The following LDLRAP1 variants were observed in gnomAD, a reference collection of about 807,000 sequenced individuals.
LDLRAP1 encodes the protein low density lipoprotein receptor adaptor protein 1, also known as low density lipoprotein receptor adapter protein 1.
LDLRAP1 carries 30 observed loss-of-function variants against 37.8 expected under a neutral mutation model. That is an observed-to-expected ratio of 0.79 (90% CI 0.59 to 1.08). The LOEUF is 1.08. Ranked by LOEUF, LDLRAP1 falls within the 50% of genes least tolerant of loss-of-function variation. The probability of loss-of-function intolerance (pLI) is 0.00; values close to 1 mark genes in which losing one functional copy is unlikely to be tolerated. For missense variants in LDLRAP1, 375 were observed against 401.6 expected, an observed-to-expected ratio of 0.93 and a Z score of 0.57; for synonymous variants, 156 against 169.8, an observed-to-expected ratio of 0.92 and a Z score of 0.63.
the LDLRAP1 span, among the ~76,000 whole-genome samples, chr1:25,578,148 T>C: frequency 2.3e-5 from 2 of 88,572 alleles, no homozygotes; most frequent in African/African-American, 6.3e-5. Context: ...GGGAGAGTTA[T>C]TTCCTCTCTC....
the LDLRAP1 span, among the ~76,000 whole-genome samples, chr1:25,582,473 T>C: frequency 6.6e-6 from 1 of 151,654 alleles, no homozygotes; most frequent in Non-Finnish European, 1.5e-5. Context: ...TAGTCCCAGC[T>C]ACTCAGGAGG....
chr1:25,565,358 C>T (rs111885714), intron 8 of LDLRAP1, 151 bp downstream of exon 8: 3 of 885,098 alleles, frequency 3.4e-6, no homozygotes, highest in Non-Finnish European at 5.6e-6. Flanking sequence ...TCAAATGCTT[C>T]CAGGGGCAGG....
downstream of LDLRAP1, among the ~76,000 whole-genome samples, chr1:25,570,581 C>T (rs113899767): frequency 4.5e-4 from 69 of 152,200 alleles, no homozygotes; most frequent in Middle Eastern, 3.4e-3. Flanking sequence ...GTAACCCGGC[C>T]GGGCGCAGTG....
In LDLRAP1 at chr1:25,553,533, G is replaced by C. The variant is rs143927706; in HGVS notation, c.89-389G>C. ...CTGCTTACATGGAGCCTTGGTATGT[G>C]CCGGAAAGCTTTAGCCCTTTATTAA... On this transcript the variant is annotated intron_variant, in intron 1 of 8. Coordinates refer to ENST00000374338, the MANE Select transcript of LDLRAP1 (RefSeq NM_015627.3). 2.5e-3 allele frequency: 673 copies of C among 269,538 alleles called. 10 individuals are homozygous for C. Among genetic ancestry groups the C allele is most frequent in the African/African-American group, 0.014 (633 of 45,518 alleles). 16.7% of individuals were successfully genotyped at this position (269,538 alleles called of 1,614,324 possible).
the LDLRAP1 span, among the ~76,000 whole-genome samples, chr1:25,574,517 G>C: frequency 6.6e-6 from 1 of 152,342 alleles, no homozygotes; most frequent in Non-Finnish European, 1.5e-5. Flanking sequence ...AAAAGGATGT[G>C]TGCATGGCCA....
the LDLRAP1 span, among the ~76,000 whole-genome samples, chr1:25,584,198 C>T: frequency 6.6e-6 from 1 of 152,062 alleles, no homozygotes; most frequent in African/African-American, 2.4e-5. Flanking sequence ...CCACAGTCAC[C>T]TGATGTGGTT....
intron 1 of LDLRAP1, among the ~76,000 whole-genome samples, chr1:25,546,297 T>C (rs1572019218): frequency 6.6e-6 from 1 of 152,184 alleles, no homozygotes; most frequent in Non-Finnish European, 1.5e-5. Flanking sequence ...TGTGACCTGC[T>C]CCTCCTCCTC....
At chr1:25,558,284 A>C (rs2044258840) in intron 4 of LDLRAP1, among the ~76,000 whole-genome samples, 1 of 152,122 alleles carries the variant, frequency 6.6e-6, no homozygotes, top group Non-Finnish European at 1.5e-5. Context: ...CTTGGAACCT[A>C]GGAGACAAGA....
Position 25,565,212 on chromosome 1 carries a change from T to C in LDLRAP1, c.782+5T>C. Reference sequence around the variant, plus strand: ...CCTGGATGAAGCGTTTTCGAGGTAATGCTAGCTTCCTGTGCTGGGTAGGGG... The same window carrying C: ...CCTGGATGAAGCGTTTTCGAGGTAACGCTAGCTTCCTGTGCTGGGTAGGGG... On this transcript the variant is annotated splice_donor_5th_base_variant and intron_variant, in intron 8 of 8. Coordinates refer to ENST00000374338, the MANE Select transcript of LDLRAP1 (RefSeq NM_015627.3). 1.2e-6 allele frequency: 2 copies of C among 1,614,066 alleles called. No homozygotes were observed. The highest frequency in any genetic ancestry group is 2.2e-5 in the East Asian group (1 of 44,888).
chr1:25,570,950 C>G (rs2124710049), downstream of LDLRAP1, among the ~76,000 whole-genome samples: 1 of 152,340 alleles, frequency 6.6e-6, no homozygotes, highest in Non-Finnish European at 1.5e-5. Context: ...TCACATGCTA[C>G]CAGGTAGGTG....
chr1:25,564,263 G>A lies in LDLRAP1; in HGVS notation c.747+472G>A, dbSNP rs76367602. 8.4e-3 allele frequency: 1,456 copies of A among 172,524 alleles called. 26 individuals are homozygous for A. Among genetic ancestry groups the A allele is most frequent in the African/African-American group, 0.033 (1,381 of 41,900 alleles). The allele number at this position is 172,524 out of a possible 1,614,324, so 10.7% of individuals were successfully genotyped here. On this transcript the variant is annotated intron_variant, in intron 7 of 8. Transcript: ENST00000374338. ...AGTAAGGGTGATGACCTCTGCCAAC[G>A]GAATCTCCCCGAGGAACCTGAAATT...
Position 25,543,670 on chromosome 1 carries a change from G to T in LDLRAP1, c.-29G>T, listed in dbSNP as rs1378657299. 8.3e-7 allele frequency: 1 copy of T among 1,208,752 alleles called. No individual in the cohort carries two copies. The allele number at this position is 1,208,752 out of a possible 1,614,324, so 74.9% of individuals were successfully genotyped here. On this transcript the variant is annotated 5_prime_UTR_variant, in exon 1 of 9. Coordinates refer to ENST00000374338, the MANE Select transcript of LDLRAP1 (RefSeq NM_015627.3). ...TTTTTCCTGACGGAGTTTTGGCTGC[G>T]GCAGCGGCGGCGGCGGCCGGAGCGG...
chr1:25,583,192 A>ATT, the LDLRAP1 span, among the ~76,000 whole-genome samples: 10 of 116,572 alleles, frequency 8.6e-5, no homozygotes, highest in African/African-American at 9.4e-5. Context: ...TTTTTTGGGG[A>ATT]TTTTTTTTTT....
downstream of LDLRAP1, among the ~76,000 whole-genome samples, chr1:25,570,319 A>G (rs749204485): frequency 2.8e-4 from 43 of 152,326 alleles, no homozygotes; most frequent in South Asian, 2.5e-3. Flanking sequence ...CTGCTCTTTC[A>G]TGCATAAGGG....
At chr1:25,582,240 A>T in the LDLRAP1 span, among the ~76,000 whole-genome samples, 1 of 152,222 alleles carries the variant, frequency 6.6e-6, no homozygotes, top group African/African-American at 2.4e-5. Context: ...GGGATGCATT[A>T]TCTGGTTCTA....
chr1:25,557,562 G>C, intron 4 of LDLRAP1: 1 of 479,550 alleles, frequency 2.1e-6, no homozygotes, highest in Non-Finnish European at 3.8e-6. Flanking sequence ...AGATTGTTTT[G>C]GATCTCCTGT....
the LDLRAP1 span, among the ~76,000 whole-genome samples, chr1:25,577,737 C>T: frequency 1.4e-4 from 21 of 152,298 alleles, no homozygotes; most frequent in South Asian, 1.9e-3. Flanking sequence ...GCTCAGGTCC[C>T]GGCATCACCG....
the LDLRAP1 span, among the ~76,000 whole-genome samples, chr1:25,576,774 G>A: frequency 2.0e-5 from 3 of 152,208 alleles, no homozygotes; most frequent in Non-Finnish European, 2.9e-5. Context: ...CACCCCATCC[G>A]GCCTGCCCTT....
At chr1:25,561,807 A>G (rs575061557) in intron 4 of LDLRAP1, among the ~76,000 whole-genome samples, 1 of 152,330 alleles carries the variant, frequency 6.6e-6, no homozygotes, top group South Asian at 2.1e-4. Context: ...TCCCGAGGGC[A>G]GGGGTGTTCA....
Sources: gnomAD v4.1 joint callset for allele counts (sites outside exome capture counted in the v4.1 genomes callset) on GRCh38, gnomAD v4.1.1 for gene constraint, MANE v1.5 for transcripts, NCBI Gene and HGNC (gene_info 2026-07-23, HGNC 2026-07-21) for gene names.